ZNF385D: variants seen among roughly 807,000 people sequenced by gnomAD.
The protein encoded by ZNF385D is zinc finger protein 385D, also known as zinc finger protein 659.
In ZNF385D, 15 loss-of-function variants were observed where a neutral mutation model predicts 35.8. That is an observed-to-expected ratio of 0.42 (90% CI 0.28 to 0.64). The LOEUF (loss-of-function observed/expected upper bound fraction) is 0.64. ZNF385D is among the 30% of genes least tolerant of loss of function. The pLI, the probability that ZNF385D is intolerant of heterozygous loss-of-function variation, is 0.23. For synonymous variants in ZNF385D, 212 were observed against 186.8 expected (o/e 1.13, Z -1.10); for missense variants, 474 against 494.6 (o/e 0.96, Z 0.39).
intron 3 of ZNF385D, among the ~76,000 whole-genome samples, chr3:21,814,695 G>T (rs189273261): frequency 6.6e-6 from 1 of 152,268 alleles, no homozygotes; most frequent in East Asian, 1.9e-4. Context: ...AGTCCCTAGC[G>T]ACCTCCAAAG....
intron 3 of ZNF385D, among the ~76,000 whole-genome samples, chr3:21,949,554 CTTTTT>C (rs372298558): frequency 1.8e-5 from 2 of 112,914 alleles, no homozygotes; most frequent in Admixed American, 1.1e-4. Context: ...TTCTTTCTTT[CTTTTT>C]TTTTTTTTTT....
chr3:21,870,049 T>C (rs1012822022), intron 3 of ZNF385D, among the ~76,000 whole-genome samples: 1 of 152,094 alleles, frequency 6.6e-6, no homozygotes, highest in African/African-American at 2.4e-5. Flanking sequence ...AAATCCTCAT[T>C]CTCATTGTTA....
At chr3:21,464,707 T>C (rs1026689) in intron 4 of ZNF385D, among the ~76,000 whole-genome samples, 77,493 of 151,062 alleles carry the variant, frequency 0.51, 20,958 homozygotes, top group East Asian at 0.68. Flanking sequence ...AACATATACA[T>C]ACTCAATTAT....
intron 2 of ZNF385D, among the ~76,000 whole-genome samples, chr3:22,261,690 C>T (rs1008424821): frequency 1.3e-5 from 2 of 151,842 alleles, no homozygotes; most frequent in Non-Finnish European, 2.9e-5. Flanking sequence ...TGGGGGGATG[C>T]GAGGTGGAAA....
At chr3:22,042,224 C>T (rs918595010) in intron 3 of ZNF385D, among the ~76,000 whole-genome samples, 10 of 152,072 alleles carry the variant, frequency 6.6e-5, no homozygotes, top group Non-Finnish European at 1.2e-4. Flanking sequence ...CTCTACAAAC[C>T]TCATTTCTTA....
chr3:21,812,860 T>C (rs538056293), intron 3 of ZNF385D, among the ~76,000 whole-genome samples: 8 of 152,140 alleles, frequency 5.3e-5, no homozygotes, highest in Non-Finnish European at 1.2e-4. Flanking sequence ...TCTCCCAGCA[T>C]GGAGTTTGAG....
rs141244729 is a variant in ZNF385D at position 21,742,095 on chromosome 3, C to T, written c.22+8800G>A. Reference sequence around the variant, plus strand: ...CCACTTCTTTTACTAATTCACTTGGCTTTTCACACCTTCATAACAAGGTCC... The same window carrying T: ...CCACTTCTTTTACTAATTCACTTGGTTTTTCACACCTTCATAACAAGGTCC... On this transcript the variant is annotated intron_variant, in intron 1 of 7. Transcript: ENST00000281523. Among the ~76,000 whole-genome samples, 464 of 152,262 alleles carry T rather than the reference C, an allele frequency of 3.0e-3. 6 individuals carry two copies. The highest frequency in any genetic ancestry group is 9.6e-3 in the African/African-American group (400 of 41,548).
rs940161681 is a variant in ZNF385D at position 21,418,976 on chromosome 3, G to T, written c.*2238C>A. 4 of 152,084 alleles carry T rather than the reference G, an allele frequency of 2.6e-5. No homozygotes were observed. Among genetic ancestry groups the T allele is most frequent in the Non-Finnish European group, 2.9e-5 (2 of 67,998 alleles). 9.4% of individuals were successfully genotyped at this position (152,084 alleles called of 1,614,324 possible). On this transcript the variant is annotated 3_prime_UTR_variant, in exon 8 of 8. Transcript: ENST00000281523. ...ACTACCAGGGTCTGTAGGTGAAAAA[G>T]GAAACACTTGCTAAAACTAGAGAAT...
At chr3:21,808,988 G>T (rs2072781108) in intron 3 of ZNF385D, among the ~76,000 whole-genome samples, 1 of 152,144 alleles carries the variant, frequency 6.6e-6, no homozygotes, top group Admixed American at 6.5e-5. Flanking sequence ...ACATCAATGG[G>T]TTGCCCGCAT....
intron 2 of ZNF385D, among the ~76,000 whole-genome samples, chr3:22,278,272 G>T (rs986655706): frequency 6.6e-6 from 1 of 152,096 alleles, no homozygotes; most frequent in Non-Finnish European, 1.5e-5. Context: ...AATGGTGACT[G>T]CTTCATTGTC....
intron 1 of ZNF385D, among the ~76,000 whole-genome samples, chr3:21,725,172 C>T (rs1274345264): frequency 1.3e-5 from 2 of 152,120 alleles, no homozygotes; most frequent in Non-Finnish European, 2.9e-5. Context: ...TTCTGGGACA[C>T]ATTTAAAGCA....
chr3:21,511,203 A>G (rs1559361314), intron 3 of ZNF385D, among the ~76,000 whole-genome samples, 180 bp from the exon 4 acceptor site: 1 of 152,162 alleles, frequency 6.6e-6, no homozygotes, highest in Non-Finnish European at 1.5e-5. Context: ...ATCCAGTTGT[A>G]AAACCTCAGG....
At chr3:21,590,708 G>A (rs2063949094) in intron 2 of ZNF385D, among the ~76,000 whole-genome samples, 1 of 151,968 alleles carries the variant, frequency 6.6e-6, no homozygotes, top group Non-Finnish European at 1.5e-5. Flanking sequence ...ATGAGCGGAG[G>A]ATGTAGTATT....
intron 3 of ZNF385D, among the ~76,000 whole-genome samples, chr3:21,875,287 T>G (rs1264456979): frequency 6.6e-6 from 1 of 152,048 alleles, no homozygotes; most frequent in African/African-American, 2.4e-5. Flanking sequence ...TTCCAGTGTT[T>G]ATTTTCATGG....
At chr3:21,968,824 T>C (rs1703064318) in intron 3 of ZNF385D, among the ~76,000 whole-genome samples, 4 of 152,158 alleles carry the variant, frequency 2.6e-5, no homozygotes, top group Admixed American at 2.6e-4. Context: ...GAGACTCCTT[T>C]TGCTTAAGGA....
chr3:22,144,624 T>A (rs1481407972), intron 3 of ZNF385D, among the ~76,000 whole-genome samples: 5 of 150,758 alleles, frequency 3.3e-5, no homozygotes, highest in Non-Finnish European at 7.4e-5. Flanking sequence ...ACACTTACTT[T>A]TATTTTTAGT....
At chr3:22,127,809 CTT>C (rs1372908514) in intron 3 of ZNF385D, among the ~76,000 whole-genome samples, 1 of 152,182 alleles carries the variant, frequency 6.6e-6, no homozygotes, top group African/African-American at 2.4e-5. Flanking sequence ...CTCTCCCACT[CTT>C]TAACTTTTTG....
chr3:22,170,933 T>C (rs1019716687), intron 2 of ZNF385D, among the ~76,000 whole-genome samples: 11 of 152,156 alleles, frequency 7.2e-5, no homozygotes, highest in Non-Finnish European at 2.9e-5. Context: ...ATTTTGTGTA[T>C]AAGTAAAAAC....
At chr3:21,585,749 G>A (rs1207644173) in intron 2 of ZNF385D, among the ~76,000 whole-genome samples, 4 of 152,124 alleles carry the variant, frequency 2.6e-5, no homozygotes, top group East Asian at 3.9e-4. Flanking sequence ...AAAAGTTCCC[G>A]TAGCTGTTTT....
Sources: gnomAD v4.1 joint callset for allele counts (sites outside exome capture counted in the v4.1 genomes callset) on GRCh38, gnomAD v4.1.1 for gene constraint, MANE v1.5 for transcripts, NCBI Gene and HGNC (gene_info 2026-07-23, HGNC 2026-07-21) for gene names.